The following SIK3 variants were observed in gnomAD, a reference collection of about 807,000 sequenced individuals.
SIK3 encodes the protein serine/threonine-protein kinase SIK3.
In SIK3, 28 loss-of-function variants were observed where a neutral mutation model predicts 144.2. That is an observed-to-expected ratio of 0.19 (90% confidence interval 0.14 to 0.27). SIK3 has a LOEUF of 0.27. Ranked by LOEUF, SIK3 falls within the 10% of genes least tolerant of loss-of-function variation. The pLI, the probability that SIK3 is intolerant of heterozygous loss-of-function variation, is 1.00. For missense variants in SIK3, 1,319 were observed against 1,776.0 expected (o/e 0.74, Z 4.62); for synonymous variants, 686 against 676.3 (o/e 1.01, Z -0.22).
At chr11:116,989,813 T>G (rs1388656144) in intron 1 of SIK3, among the ~76,000 whole-genome samples, 2 of 152,254 alleles carry the variant, frequency 1.3e-5, no homozygotes, top group African/African-American at 4.8e-5. Context: ...AAGAGTAAAT[T>G]TTTAAGTTAA....
At chr11:116,859,164 C>T (rs929843346) in intron 20 of SIK3, 101 bp downstream of exon 20, 38 of 1,096,002 alleles carry the variant, frequency 3.5e-5, no homozygotes, top group Admixed American at 5.2e-5. Flanking sequence ...ACAGCCTAGT[C>T]AGACCCATTC....
chr11:116,999,957 G>A (rs927269328), intron 1 of SIK3, among the ~76,000 whole-genome samples: 2 of 152,088 alleles, frequency 1.3e-5, no homozygotes, highest in African/African-American at 2.4e-5. Context: ...GAGCAACAGT[G>A]GGCATAATTT....
At chr11:116,941,253 G>A (rs984070467) in intron 3 of SIK3, among the ~76,000 whole-genome samples, 5 of 151,970 alleles carry the variant, frequency 3.3e-5, no homozygotes, top group Non-Finnish European at 5.9e-5. Flanking sequence ...TGATCCGCCC[G>A]CCTCAGCCTC....
Position 117,018,128 on chromosome 11 carries a change from T to C in SIK3, c.274-61064A>G, listed in dbSNP as rs140451562. 8.6e-4 allele frequency among the ~76,000 whole-genome samples: 131 copies of C among 152,254 alleles called. 1 individual carries two copies. Among genetic ancestry groups the C allele is most frequent in the African/African-American group, 2.9e-3 (119 of 41,544 alleles). On this transcript the variant is annotated intron_variant, in intron 1 of 24. Transcript: ENST00000445177. ...AGCTTGGGGGGAAACCCGCAGCTGA[T>C]ATCTCAACACAGTTGTCCCTCGGTA... is the stretch of plus-strand genomic sequence containing the variant.
At chr11:116,947,341 A>G (rs947392210) in intron 3 of SIK3, among the ~76,000 whole-genome samples, 5 of 145,820 alleles carry the variant, frequency 3.4e-5, no homozygotes, top group Middle Eastern at 7.1e-3. Flanking sequence ...GGCCCAGCAA[A>G]AGATACTAAG....
chr11:116,890,801 C>T (rs913300097), intron 6 of SIK3, among the ~76,000 whole-genome samples: 2 of 152,004 alleles, frequency 1.3e-5, no homozygotes, highest in African/African-American at 4.8e-5. Context: ...CTCCAGAAAA[C>T]AGAACTTGTT....
chr11:116,957,264 C>G (rs1464183139), intron 1 of SIK3, among the ~76,000 whole-genome samples, 200 bp from the exon 2 acceptor site: 1 of 152,102 alleles, frequency 6.6e-6, no homozygotes, highest in Non-Finnish European at 1.5e-5. Context: ...CTCAAAGGAA[C>G]AGACTCCAAA....
chr11:117,060,975 T>G (rs1403865429), intron 1 of SIK3, among the ~76,000 whole-genome samples: 2 of 152,206 alleles, frequency 1.3e-5, no homozygotes, highest in African/African-American at 4.8e-5. Flanking sequence ...GGCCAGATGC[T>G]GTGGCTCACA....
At chr11:116,995,574 C>T (rs7931770) in intron 1 of SIK3, among the ~76,000 whole-genome samples, 126,081 of 152,038 alleles carry the variant, frequency 0.83, 52,904 homozygotes, top group Non-Finnish European at 0.89. Context: ...CACCCTACTT[C>T]CTACCTGTGC....
At chr11:117,068,027 C>A (rs1399268132) in intron 1 of SIK3, among the ~76,000 whole-genome samples, 1 of 151,982 alleles carries the variant, frequency 6.6e-6, no homozygotes, top group African/African-American at 2.4e-5. Flanking sequence ...AATATTAATT[C>A]TGGTCCCTGA....
At chr11:117,008,286 C>T (rs1287716753) in intron 1 of SIK3, among the ~76,000 whole-genome samples, 1 of 152,078 alleles carries the variant, frequency 6.6e-6, no homozygotes, top group Non-Finnish European at 1.5e-5. Context: ...TTAATCCCCA[C>T]AAGAACCCCA....
At chr11:117,081,819 T>C (rs1468297484) in intron 1 of SIK3, among the ~76,000 whole-genome samples, 1 of 152,192 alleles carries the variant, frequency 6.6e-6, no homozygotes, top group Non-Finnish European at 1.5e-5. Context: ...ACACTTGTGC[T>C]GCAAACAACA....
chr11:117,035,626 C>T (rs1351172329), intron 1 of SIK3, among the ~76,000 whole-genome samples: 1 of 152,192 alleles, frequency 6.6e-6, no homozygotes, highest in Non-Finnish European at 1.5e-5. Context: ...GTGATCATAG[C>T]TCACTGTAAC....
chr11:116,881,477 T>C (rs1591456496), intron 6 of SIK3, among the ~76,000 whole-genome samples: 1 of 152,198 alleles, frequency 6.6e-6, no homozygotes, highest in East Asian at 1.9e-4. Context: ...ATGGGCAGGG[T>C]CCTAAAATGA....
intron 4 of SIK3, among the ~76,000 whole-genome samples, chr11:116,906,669 T>C (rs182337303): frequency 2.4e-4 from 36 of 152,268 alleles, no homozygotes; most frequent in Admixed American, 6.5e-4. Flanking sequence ...CATCCAAGTG[T>C]TATGTAACTT....
At chr11:116,933,397 C>A (rs557941339) in intron 3 of SIK3, among the ~76,000 whole-genome samples, 19 of 152,302 alleles carry the variant, frequency 1.2e-4, no homozygotes, top group African/African-American at 3.8e-4. Flanking sequence ...CCTCAGCCCC[C>A]CAAAGTGCTG....
chr11:116,911,273 C>T (rs927813212), intron 4 of SIK3, among the ~76,000 whole-genome samples: 5 of 152,148 alleles, frequency 3.3e-5, no homozygotes, highest in Admixed American at 2.0e-4. Context: ...TTTGGGAGGC[C>T]GAGGCAGGTG....
intron 1 of SIK3, among the ~76,000 whole-genome samples, chr11:117,035,140 A>G (rs886359052): frequency 6.6e-6 from 1 of 152,214 alleles, no homozygotes; most frequent in Non-Finnish European, 1.5e-5. Context: ...AATAGGCTAT[A>G]TATCATTAAT....
chr11:117,095,194 A>T (rs1359979882), intron 1 of SIK3, among the ~76,000 whole-genome samples: 3 of 8,422 alleles, frequency 3.6e-4, no homozygotes, highest in Admixed American at 3.2e-3. Context: ...TGTGTGTTTA[A>T]AAAAAAAAAA....
Sources: gnomAD v4.1 joint callset for allele counts (sites outside exome capture counted in the v4.1 genomes callset) on GRCh38, gnomAD v4.1.1 for gene constraint, MANE v1.5 for transcripts, NCBI Gene and HGNC (gene_info 2026-07-23, HGNC 2026-07-21) for gene names.